C9orf85: variants seen among roughly 807,000 people sequenced by gnomAD.
The protein encoded by C9orf85 is uncharacterized protein C9orf85.
C9orf85 carries 16 observed loss-of-function variants against 14.9 expected under a neutral mutation model. The observed-to-expected ratio is 1.08, with a 90% CI of 0.73 to 1.63. The LOEUF is 1.63. C9orf85 is among the 40% of genes most tolerant of loss of function. C9orf85 has a pLI of 0.00. For missense variants in C9orf85, 172 were observed against 186.1 expected (o/e 0.92, Z 0.44); for synonymous variants, 45 against 56.8 (o/e 0.79, Z 0.93).
chr9:71,942,378 G>C (rs1052737397), intron 1 of C9orf85, among the ~76,000 whole-genome samples: 5 of 152,166 alleles, frequency 3.3e-5, no homozygotes, highest in Admixed American at 2.0e-4. Context: ...CAGACAATGA[G>C]TTATGTTTTA....
chr9:71,984,734 C>T (rs557056527), downstream of C9orf85: 1 of 152,258 alleles, frequency 6.6e-6, no homozygotes, highest in Non-Finnish European at 1.5e-5. Context: ...ACAAGCCAGC[C>T]ATATTTGGGA....
intron 1 of C9orf85, among the ~76,000 whole-genome samples, chr9:71,925,983 A>G (rs1486246972): frequency 6.6e-6 from 1 of 152,234 alleles, no homozygotes; most frequent in African/African-American, 2.4e-5. Flanking sequence ...CATGAAAGAG[A>G]AAGGCAGAGC....
intron 2 of C9orf85, among the ~76,000 whole-genome samples, chr9:71,962,865 G>A (rs975228074): frequency 3.3e-5 from 5 of 152,108 alleles, no homozygotes; most frequent in East Asian, 1.9e-4. Context: ...AGACCAGCCC[G>A]GCAAACATGG....
intron 1 of C9orf85, among the ~76,000 whole-genome samples, chr9:71,938,371 A>T (rs1387366331): frequency 6.6e-6 from 1 of 152,230 alleles, no homozygotes. Context: ...TCACTATCCA[A>T]ATAATTATGT....
At chr9:71,963,379 C>G (rs1247393654) in intron 2 of C9orf85, among the ~76,000 whole-genome samples, 1 of 152,096 alleles carries the variant, frequency 6.6e-6, no homozygotes. Context: ...GGCGTGCTGG[C>G]AGTCCTCACA....
At chr9:71,924,890 A>G (rs1827894717) in intron 1 of C9orf85, among the ~76,000 whole-genome samples, 1 of 152,200 alleles carries the variant, frequency 6.6e-6, no homozygotes, top group Non-Finnish European at 1.5e-5. Context: ...TTTCAGTAAA[A>G]CTAGAATAGT....
rs572464738 is a variant in C9orf85, at chr9:71,951,207, A to T, written c.209+4095A>T. 6.4e-4 allele frequency among the ~76,000 whole-genome samples: 97 copies of T among 152,166 alleles called. 2 individuals carry two copies. The highest frequency in any genetic ancestry group is 1.2e-3 in the Non-Finnish European group (81 of 68,030). ...ATACAATCCTGGACCATCTCCAGAG[A>T]CTTTTTAGAAAAGAATAAATGTCCT... On this transcript the variant is annotated intron_variant, in intron 2 of 3. Transcript: ENST00000334731.
At chr9:71,921,912 G>C (rs1022154295) in intron 1 of C9orf85, among the ~76,000 whole-genome samples, 16 of 116,904 alleles carry the variant, frequency 1.4e-4, no homozygotes, top group Admixed American at 1.0e-4. Context: ...TGTTTTGGTT[G>C]GCTTTTTATT....
downstream of C9orf85, among the ~76,000 whole-genome samples, chr9:71,975,441 CAAAA>C (rs35034545): frequency 1.1e-5 from 1 of 94,480 alleles, no homozygotes. Context: ...GACTCCATCT[CAAAA>C]AAAAAAAAAA....
chr9:71,949,234 T>G (rs532344670), intron 2 of C9orf85, among the ~76,000 whole-genome samples: 2 of 152,358 alleles, frequency 1.3e-5, no homozygotes, highest in Admixed American at 6.5e-5. Flanking sequence ...CACAGCATTT[T>G]AATAGATTAG....
intron 3 of C9orf85, among the ~76,000 whole-genome samples, chr9:71,979,863 A>G (rs893364940): frequency 6.6e-6 from 1 of 152,212 alleles, no homozygotes; most frequent in Non-Finnish European, 1.5e-5. Context: ...AACATACTCC[A>G]TTACACTGAA....
intron 2 of C9orf85, among the ~76,000 whole-genome samples, chr9:71,950,409 C>T (rs1420982704): frequency 2.6e-5 from 4 of 152,068 alleles, no homozygotes; most frequent in Non-Finnish European, 5.9e-5. Flanking sequence ...ACCCTGTTGC[C>T]CAGGCTAGAA....
intron 3 of C9orf85, among the ~76,000 whole-genome samples, chr9:71,979,579 G>A (rs997761766): frequency 1.6e-4 from 24 of 152,184 alleles, no homozygotes; most frequent in Admixed American, 9.8e-4. Context: ...ATACAGGAAA[G>A]TCAGGCTTGC....
chr9:71,921,777 G>A (rs1408936283), intron 1 of C9orf85, among the ~76,000 whole-genome samples: 1 of 152,016 alleles, frequency 6.6e-6, no homozygotes, highest in Non-Finnish European at 1.5e-5. Flanking sequence ...CTGGTCTGAT[G>A]TGTGCAAGGC....
At chr9:71,956,080 C>T (rs1302396175) in intron 2 of C9orf85, among the ~76,000 whole-genome samples, 1 of 151,898 alleles carries the variant, frequency 6.6e-6, no homozygotes, top group African/African-American at 2.4e-5. Flanking sequence ...TAGTGCATTA[C>T]TATGAAAGAA....
At chr9:71,946,944 T>C (rs1822107440) in intron 1 of C9orf85, 62 bp from the exon 2 acceptor site, 2 of 1,113,530 alleles carry the variant, frequency 1.8e-6, no homozygotes, top group African/African-American at 1.5e-5. Context: ...CACTCTTTTA[T>C]GGGATTTGCA....
intron 1 of C9orf85, among the ~76,000 whole-genome samples, chr9:71,938,708 A>G (rs1483383705): frequency 2.0e-5 from 3 of 151,842 alleles, no homozygotes; most frequent in South Asian, 2.1e-4. Context: ...TTTTCTTACA[A>G]TGTTGTTCAT....
At chr9:71,930,846 G>A (rs1828056375) in intron 1 of C9orf85, among the ~76,000 whole-genome samples, 1 of 146,644 alleles carries the variant, frequency 6.8e-6, no homozygotes, top group South Asian at 2.2e-4. Flanking sequence ...CAAAGGTTGA[G>A]AATCACTGAT....
At chr9:71,917,122 C>T (rs1352229438) in intron 1 of C9orf85, among the ~76,000 whole-genome samples, 1 of 152,170 alleles carries the variant, frequency 6.6e-6, no homozygotes, top group Non-Finnish European at 1.5e-5. Context: ...CAAAAGCCCT[C>T]CATGTGTATG....
Sources: allele counts gnomAD v4.1 joint callset (sites outside exome capture counted in the v4.1 genomes callset), GRCh38; gene constraint gnomAD v4.1.1; transcripts MANE v1.5; gene names NCBI Gene and HGNC (gene_info 2026-07-23, HGNC 2026-07-21).